The following PCM1 variants were observed in gnomAD, a reference collection of about 807,000 sequenced individuals.
The protein encoded by PCM1 is pericentriolar material 1.
PCM1 carries 157 observed loss-of-function variants against 241.9 expected under a neutral mutation model. The ratio of observed to expected loss-of-function variants is 0.65; its 90% CI spans 0.57 to 0.74. The LOEUF (loss-of-function observed/expected upper bound fraction) is 0.74. PCM1 is among the 30% of genes least tolerant of loss of function. PCM1 has a pLI of 0.00. For missense variants in PCM1, 3,478 were observed against 2,360.1 expected, an observed-to-expected ratio of 1.47 and a Z score of -9.81; for synonymous variants, 1,085 against 784.9, an observed-to-expected ratio of 1.38 and a Z score of -6.39.
At position 17,968,784 on chromosome 8, in the gene PCM1, C is replaced by CT. The variant is rs1564030002; in HGVS notation, c.3413-793_3413-792insT. Among the ~76,000 whole-genome samples the CT allele has an allele frequency of 2.1e-3, 296 of 140,664 alleles. 4 individuals are homozygous for CT. In the East Asian group the frequency reaches 0.048, roughly 23 times the overall value. 92.3% of individuals were successfully genotyped at this position (140,664 alleles called of 152,430 possible). A position where few individuals can be genotyped will look rare whatever the true frequency, so the allele number is the denominator to read the frequency against. ...TGTGTATATATATATATATACACACCACAGTGTTTTTTCTTTATAGGATTT... is the reference window on the plus strand; with the variant it reads ...TGTGTATATATATATATATACACACCTACAGTGTTTTTTCTTTATAGGATTT... On this transcript the variant is annotated intron_variant, in intron 21 of 38. Transcript: ENST00000325083.
At chr8:18,013,078 A>AAACTTCTAAATGTT (rs2092718722) in intron 34 of PCM1, among the ~76,000 whole-genome samples, 1 of 152,188 alleles carries the variant, frequency 6.6e-6, no homozygotes, top group Non-Finnish European at 1.5e-5. Context: ...ATATTCCTAC[A>AAACTTCTAAATGTT]AACTTCTAAA....
intron 7 of PCM1, among the ~76,000 whole-genome samples, chr8:17,947,726 C>T (rs906032816): frequency 2.0e-5 from 3 of 152,060 alleles, no homozygotes; most frequent in Non-Finnish European, 4.4e-5. Flanking sequence ...CTTTGCTTGC[C>T]TCCCAAGAAA....
At chr8:17,949,657 C>T (rs1049136034) in intron 7 of PCM1, among the ~76,000 whole-genome samples, 2 of 152,026 alleles carry the variant, frequency 1.3e-5, no homozygotes, top group African/African-American at 4.8e-5. Flanking sequence ...TGTACCACGC[C>T]GGGCTAATTT....
At chr8:17,999,210 G>C (rs1331878379) in intron 29 of PCM1, among the ~76,000 whole-genome samples, 3 of 152,004 alleles carry the variant, frequency 2.0e-5, no homozygotes, top group Non-Finnish European at 2.9e-5. Flanking sequence ...TTCTCAAGCA[G>C]AAGGAATCTT....
At chr8:17,934,851 T>G (rs966163384) in intron 2 of PCM1, 1 of 152,196 alleles carries the variant, frequency 6.6e-6, no homozygotes, top group African/African-American at 2.4e-5. Context: ...CTCATCTCTT[T>G]GACCCAGGTA....
At chr8:17,932,203 T>G (rs2059239346) in intron 2 of PCM1, among the ~76,000 whole-genome samples, 1 of 152,172 alleles carries the variant, frequency 6.6e-6, no homozygotes, top group African/African-American at 2.4e-5. Context: ...TGACATTTAG[T>G]GTTGTTTTTT....
intron 26 of PCM1, 104 bp downstream of exon 26, chr8:17,986,191 T>C (rs1042148649): frequency 5.6e-5 from 44 of 779,052 alleles, no homozygotes; most frequent in Middle Eastern, 7.5e-4. Context: ...ATATATTTGA[T>C]TTTCAGCTTT....
chr8:17,958,881 C>A (rs2070172150), intron 13 of PCM1, among the ~76,000 whole-genome samples: 1 of 152,050 alleles, frequency 6.6e-6, no homozygotes, highest in Non-Finnish European at 1.5e-5. Context: ...ACCACCACAC[C>A]TGGCTAATGT....
rs112776303 is a variant in PCM1, at chr8:18,025,467, TTTAA to T, written c.5934+19_5934+22del. 2.7e-5 allele frequency: 42 copies of T among 1,547,286 alleles called. No individual in the cohort carries two copies. Among genetic ancestry groups the T allele is most frequent in the African/African-American group, 1.8e-4 (13 of 73,088 alleles). ...ATATATTCAGAGGTATTTAGCTGTC[TTTAA>T]TTAAACTTGTCTTTACATAACAAAT... On this transcript the variant is annotated intron_variant, in intron 37 of 38. Coordinates refer to ENST00000325083, the MANE Select transcript of PCM1 (RefSeq NM_006197.4).
At chr8:18,009,444 T>C (rs1275531015) in intron 30 of PCM1, 103 bp from the exon 31 acceptor site, 1 of 713,316 alleles carries the variant, frequency 1.4e-6, no homozygotes, top group Non-Finnish European at 2.3e-6. Flanking sequence ...CTTTCCTTAG[T>C]AATCATAAAC....
chr8:17,942,781 G>A (rs1408723795), intron 6 of PCM1, among the ~76,000 whole-genome samples: 1 of 152,120 alleles, frequency 6.6e-6, no homozygotes, highest in Non-Finnish European at 1.5e-5. Context: ...GGATCACGAG[G>A]TCAGGAGATC....
intron 29 of PCM1, among the ~76,000 whole-genome samples, chr8:17,995,073 G>T (rs957006482): frequency 1.3e-5 from 2 of 151,340 alleles, no homozygotes; most frequent in African/African-American, 4.9e-5. Context: ...GCCAGTGCTT[G>T]TGGGGTATCA....
intron 4 of PCM1, 30 bp from the exon 5 acceptor site, chr8:17,938,710 T>C: frequency 6.4e-7 from 1 of 1,571,362 alleles, no homozygotes; most frequent in South Asian, 1.1e-5. Context: ...GGTTAATGTT[T>C]GTGTGATTTG....
intron 34 of PCM1, 90 bp from the exon 35 acceptor site, chr8:18,013,874 G>A: frequency 1.4e-6 from 1 of 734,904 alleles, no homozygotes; most frequent in Admixed American, 3.3e-5. Flanking sequence ...TGAAGGTCTT[G>A]GGTTGGACAA....
chr8:17,944,653 C>G (rs2063209545), intron 6 of PCM1, among the ~76,000 whole-genome samples: 1 of 152,080 alleles, frequency 6.6e-6, no homozygotes, highest in Non-Finnish European at 1.5e-5. Flanking sequence ...TTTTGGATTT[C>G]TATTCCAGGT....
chr8:17,970,611 C>A (rs907257703), intron 22 of PCM1, among the ~76,000 whole-genome samples: 3 of 152,056 alleles, frequency 2.0e-5, no homozygotes, highest in Non-Finnish European at 2.9e-5. Context: ...AGAAGCCTAA[C>A]ACAGTGTTAG....
chr8:17,963,177 T>C lies in PCM1; in HGVS notation c.2540T>C (p.Met847Thr). 2 of 1,613,784 alleles carry C rather than the reference T, an allele frequency of 1.2e-6. No individual in the cohort carries two copies. The highest frequency in any genetic ancestry group is 2.2e-5 in the South Asian group (2 of 91,058). ...AGAAGAAAGCAGCTTGAAGCTCTGA[T>C]GGCTGAACATCAGAGGAGGCAAGGT... ...RQRRKQLEAL[M>T]AEHQRRQGLA... The change falls in exon 17 of 39, where the codon ATG becomes ACG. Residue 847 changes from methionine (M) to threonine (T), a missense_variant. By Grantham distance (81) the Met-to-Thr change is moderately conservative (BLOSUM62 -1). Transcript: ENST00000325083.
In PCM1 at chr8:17,937,122, A is replaced by T. The variant is rs374850402; in HGVS notation, c.97-12A>T. The T allele has an allele frequency of 6.5e-7, 1 of 1,534,854 alleles. No homozygotes were observed. Among genetic ancestry groups the T allele is most frequent in the Non-Finnish European group, 8.8e-7 (1 of 1,139,572 alleles). ...ACAGGCCATGTTAATTTTTGCTTTT[A>T]CTTTTTTAAAGGATTGGGGTGCCCA... is the stretch of plus-strand genomic sequence containing the variant. On this transcript the variant is annotated splice_polypyrimidine_tract_variant and intron_variant, in intron 3 of 38. Transcript: ENST00000325083.
chr8:17,965,618 T>C (rs1361926970), intron 18 of PCM1, among the ~76,000 whole-genome samples: 5 of 152,236 alleles, frequency 3.3e-5, no homozygotes, highest in African/African-American at 1.2e-4. Context: ...TAATTATAAC[T>C]GAAAATTTCT....
Sources: gnomAD v4.1 joint callset for allele counts (sites outside exome capture counted in the v4.1 genomes callset) on GRCh38, gnomAD v4.1.1 for gene constraint, MANE v1.5 for transcripts, NCBI Gene and HGNC (gene_info 2026-07-23, HGNC 2026-07-21) for gene names.